ANKRD30A: variants seen among roughly 807,000 people sequenced by gnomAD.
The protein encoded by ANKRD30A is ankyrin repeat domain-containing protein 30A.
ANKRD30A carries 170 observed loss-of-function variants against 166.3 expected under a neutral mutation model. The ratio of observed to expected loss-of-function variants is 1.02; its 90% CI spans 0.90 to 1.16. The LOEUF is 1.16. Ranked by LOEUF, ANKRD30A falls within the 50% of genes most tolerant of loss-of-function variation. The probability of loss-of-function intolerance (pLI) is 0.00; values close to 1 mark genes in which losing one functional copy is unlikely to be tolerated. For synonymous variants in ANKRD30A, 564 were observed against 508.9 expected, an observed-to-expected ratio of 1.11 and a Z score of -1.46; for missense variants, 1,630 against 1,518.0, an observed-to-expected ratio of 1.07 and a Z score of -1.23.
At chr10:37,158,751 C>G (rs1464404307) in intron 15 of ANKRD30A, among the ~76,000 whole-genome samples, 165 bp downstream of exon 15, 1 of 152,110 alleles carries the variant, frequency 6.6e-6, no homozygotes. Flanking sequence ...ATGCCATTTA[C>G]AAGCATAAGA....
At chr10:37,153,130 T>G (rs750514675) in intron 12 of ANKRD30A, among the ~76,000 whole-genome samples, 28 of 152,180 alleles carry the variant, frequency 1.8e-4, no homozygotes, top group Non-Finnish European at 4.0e-4. Flanking sequence ...ACATGCATCA[T>G]TTTTAACACT....
chr10:37,232,697 T>TATATAGAGAGAGAGAGAGAGAGAGAGAG (rs1273812991), downstream of ANKRD30A: 1 of 78,400 alleles, frequency 1.3e-5, no homozygotes, highest in African/African-American at 4.9e-5. Context: ...TATATATAAA[T>TATATAGAGAGAGAGAGAGAGAGAGAGAG]AGAGAGAGAG....
At chr10:37,197,909 G>A (rs183877495) in intron 29 of ANKRD30A, among the ~76,000 whole-genome samples, 1 of 151,930 alleles carries the variant, frequency 6.6e-6, no homozygotes, top group African/African-American at 2.4e-5. Context: ...GTCACTTTGA[G>A]AATCCTAAGA....
chr10:37,142,755 AT>A (rs1372303596), intron 7 of ANKRD30A, among the ~76,000 whole-genome samples: 10 of 151,332 alleles, frequency 6.6e-5, no homozygotes, highest in African/African-American at 2.4e-4. Context: ...CACCTGGATA[AT>A]TTTTTGTATT....
intron 25 of ANKRD30A, among the ~76,000 whole-genome samples, chr10:37,190,791 A>T (rs4121289): frequency 3.0e-4 from 46 of 151,718 alleles, no homozygotes; most frequent in African/African-American, 4.9e-4. Context: ...CTCATTAATA[A>T]TCTTTATTAA....
intron 15 of ANKRD30A, among the ~76,000 whole-genome samples, chr10:37,161,024 C>T (rs949559323): frequency 5.9e-5 from 9 of 152,200 alleles, no homozygotes; most frequent in African/African-American, 1.9e-4. Context: ...GAGGCCGTGA[C>T]TGGCAGATCA....
chr10:37,167,556 A>G, intron 19 of ANKRD30A, among the ~76,000 whole-genome samples: 1 of 151,936 alleles, frequency 6.6e-6, no homozygotes, highest in East Asian at 1.9e-4. Flanking sequence ...AGAAAATGTT[A>G]TTAATATTTA....
chr10:37,197,700 T>A (rs1841254340), intron 29 of ANKRD30A, among the ~76,000 whole-genome samples: 1 of 152,182 alleles, frequency 6.6e-6, no homozygotes, highest in Non-Finnish European at 1.5e-5. Flanking sequence ...ATGTTTCTAC[T>A]TTTGTATCCT....
chr10:37,214,679 G>T (rs1437265223), intron 31 of ANKRD30A, among the ~76,000 whole-genome samples: 1 of 150,424 alleles, frequency 6.6e-6, no homozygotes, highest in Non-Finnish European at 1.5e-5. Flanking sequence ...TGTCTTAGTG[G>T]TTTTTTTAGG....
At chr10:37,154,089 T>A (rs17606221) in intron 13 of ANKRD30A, among the ~76,000 whole-genome samples, 1 of 152,106 alleles carries the variant, frequency 6.6e-6, no homozygotes, top group Non-Finnish European at 1.5e-5. Flanking sequence ...GACCTTCTAG[T>A]ATCAAAATTT....
chr10:37,196,172 A>G (rs991818650), intron 27 of ANKRD30A, among the ~76,000 whole-genome samples: 1 of 149,528 alleles, frequency 6.7e-6, no homozygotes, highest in African/African-American at 2.5e-5. Flanking sequence ...TAGGCAGGTA[A>G]TTCTGGAGAC....
chr10:37,140,072 A>C (rs922141148), intron 6 of ANKRD30A, among the ~76,000 whole-genome samples: 14 of 152,224 alleles, frequency 9.2e-5, no homozygotes, highest in African/African-American at 2.7e-4. Flanking sequence ...GGAGGAAAGA[A>C]ACTTTTATAA....
chr10:37,204,122 G>T (rs1841831456), intron 31 of ANKRD30A, among the ~76,000 whole-genome samples: 1 of 152,130 alleles, frequency 6.6e-6, no homozygotes, highest in African/African-American at 2.4e-5. Flanking sequence ...TTTCTTCACA[G>T]AATTGGAAAA....
At chr10:37,228,906 G>A (rs1843284742) in intron 34 of ANKRD30A, among the ~76,000 whole-genome samples, 1 of 151,784 alleles carries the variant, frequency 6.6e-6, no homozygotes, top group South Asian at 2.1e-4. Flanking sequence ...AATTTAGTGG[G>A]TTAAAACAAC....
chr10:37,132,055 G>A (rs923911320), intron 3 of ANKRD30A, among the ~76,000 whole-genome samples, 185 bp from the exon 4 acceptor site: 2 of 152,176 alleles, frequency 1.3e-5, no homozygotes, highest in African/African-American at 4.8e-5. Context: ...TGGTGATGCA[G>A]AGGCTGAATA....
chr10:37,164,591 T>G (rs1247465606), intron 17 of ANKRD30A, among the ~76,000 whole-genome samples: 1 of 152,058 alleles, frequency 6.6e-6, no homozygotes, highest in Non-Finnish European at 1.5e-5. Context: ...CATACGGAAA[T>G]GTAAAAGGGT....
At chr10:37,250,118 C>T in the ANKRD30A span, among the ~76,000 whole-genome samples, 14 of 152,088 alleles carry the variant, frequency 9.2e-5, no homozygotes, top group Non-Finnish European at 1.9e-4. Flanking sequence ...GCCTCTCTTG[C>T]CCTCTGGGAG....
intron 31 of ANKRD30A, among the ~76,000 whole-genome samples, chr10:37,202,525 A>G (rs1841706674): frequency 6.6e-6 from 1 of 152,200 alleles, no homozygotes; most frequent in African/African-American, 2.4e-5. Context: ...AATGCCCACA[A>G]GAGAAAGCAG....
At chr10:37,192,959 G>A in intron 25 of ANKRD30A, 105 bp from the exon 26 acceptor site, 1 of 1,477,402 alleles carries the variant, frequency 6.8e-7, no homozygotes, top group Non-Finnish European at 9.4e-7. Context: ...AATCCCTTTT[G>A]CAATCCAAGC....
Sources: gnomAD v4.1 joint callset for allele counts (sites outside exome capture counted in the v4.1 genomes callset) on GRCh38, gnomAD v4.1.1 for gene constraint, MANE v1.5 for transcripts, NCBI Gene and HGNC (gene_info 2026-07-23, HGNC 2026-07-21) for gene names.